The following HMGCLL1 variants were observed in gnomAD, a reference collection of about 807,000 sequenced individuals.
The protein encoded by HMGCLL1 is 3-hydroxy-3-methylglutaryl-CoA lyase like 1, also known as 3-hydroxymethyl-3-methylglutaryl-CoA lyase, cytoplasmic.
Under a neutral mutation model 39.1 loss-of-function variants are expected in HMGCLL1, and 36 were observed. The observed-to-expected ratio is 0.92, with a 90% CI of 0.71 to 1.22. The LOEUF (loss-of-function observed/expected upper bound fraction) is 1.22. HMGCLL1 is among the 50% of genes most tolerant of loss of function. The pLI is 0.00. For missense variants in HMGCLL1, 451 were observed against 416.5 expected, an observed-to-expected ratio of 1.08 and a Z score of -0.72; for synonymous variants, 149 against 144.0, an observed-to-expected ratio of 1.03 and a Z score of -0.25.
the HMGCLL1 span, among the ~76,000 whole-genome samples, chr6:55,646,234 G>A: frequency 1.3e-5 from 2 of 151,762 alleles, no homozygotes; most frequent in Non-Finnish European, 2.9e-5. Flanking sequence ...AGTATTAGGT[G>A]TAATGGCTCC....
At chr6:55,609,971 A>G in the HMGCLL1 span, among the ~76,000 whole-genome samples, 1 of 152,124 alleles carries the variant, frequency 6.6e-6, no homozygotes, top group Non-Finnish European at 1.5e-5. Context: ...AAACAAACAA[A>G]CAGAAAGCAA....
chr6:55,629,187 T>C, the HMGCLL1 span, among the ~76,000 whole-genome samples: 2 of 152,190 alleles, frequency 1.3e-5, no homozygotes, highest in Non-Finnish European at 2.9e-5. Flanking sequence ...GATAGCGATA[T>C]GGACAGTAAA....
intron 5 of HMGCLL1, among the ~76,000 whole-genome samples, chr6:55,510,307 C>G (rs1301356946): frequency 6.6e-6 from 1 of 151,708 alleles, no homozygotes; most frequent in South Asian, 2.1e-4. Context: ...ACCCAAAGGA[C>G]TATAAATCAT....
At chr6:55,600,033 T>G in the HMGCLL1 span, among the ~76,000 whole-genome samples, 55 of 152,338 alleles carry the variant, frequency 3.6e-4, no homozygotes, top group African/African-American at 1.3e-3. Flanking sequence ...CTTACTTCAG[T>G]GTTTCTTCTG....
intron 7 of HMGCLL1, among the ~76,000 whole-genome samples, chr6:55,467,224 C>T (rs62407067): frequency 0.06 from 9,196 of 152,148 alleles, 317 homozygotes; most frequent in East Asian, 0.17. Flanking sequence ...CACTTTAAGA[C>T]ACGTGTAAAA....
the HMGCLL1 span, among the ~76,000 whole-genome samples, chr6:55,649,877 G>C: frequency 3.3e-5 from 5 of 150,936 alleles, no homozygotes; most frequent in African/African-American, 1.2e-4. Flanking sequence ...CAGAGATACT[G>C]ATGAATTTTT....
chr6:55,553,172 T>C (rs200618850), intron 1 of HMGCLL1, among the ~76,000 whole-genome samples: 4,037 of 49,620 alleles, frequency 0.081, 97 homozygotes, highest in South Asian at 0.13. Context: ...TATATATATA[T>C]ATACATACAC....
intron 7 of HMGCLL1, among the ~76,000 whole-genome samples, chr6:55,470,102 C>A (rs1441895404): frequency 6.6e-6 from 1 of 151,870 alleles, no homozygotes; most frequent in Non-Finnish European, 1.5e-5. Flanking sequence ...TCGTTCCTTG[C>A]TGAAGACTCT....
the HMGCLL1 span, among the ~76,000 whole-genome samples, chr6:55,632,745 T>C: frequency 6.6e-6 from 1 of 152,196 alleles, no homozygotes; most frequent in East Asian, 1.9e-4. Context: ...TTGAGTAAAA[T>C]ATTTGCATTA....
At chr6:55,494,207 C>G (rs923201788) in intron 7 of HMGCLL1, among the ~76,000 whole-genome samples, 1 of 152,198 alleles carries the variant, frequency 6.6e-6, no homozygotes, top group South Asian at 2.1e-4. Context: ...TGTTCTATAG[C>G]CCTTTATCCT....
intron 1 of HMGCLL1, among the ~76,000 whole-genome samples, chr6:55,543,584 T>A (rs1464411913): frequency 7.8e-5 from 7 of 89,694 alleles, no homozygotes; most frequent in African/African-American, 1.1e-4. Context: ...ATTTATATAT[T>A]TATATATATA....
chr6:55,598,269 G>A, the HMGCLL1 span, among the ~76,000 whole-genome samples: 2 of 151,950 alleles, frequency 1.3e-5, no homozygotes, highest in Non-Finnish European at 2.9e-5. Context: ...TTACTTTGAC[G>A]AGATACCCTA....
At chr6:55,626,314 A>C in the HMGCLL1 span, among the ~76,000 whole-genome samples, 1 of 152,084 alleles carries the variant, frequency 6.6e-6, no homozygotes, top group Non-Finnish European at 1.5e-5. Flanking sequence ...GGTATTCCAC[A>C]CAGCATTGCC....
chr6:55,494,778 A>C (rs551977499), intron 7 of HMGCLL1, among the ~76,000 whole-genome samples: 3 of 152,336 alleles, frequency 2.0e-5, no homozygotes, highest in South Asian at 2.1e-4. Flanking sequence ...TAATTTTAAA[A>C]TAATACTCGT....
chr6:55,606,544 A>C, the HMGCLL1 span, among the ~76,000 whole-genome samples: 509 of 152,184 alleles, frequency 3.3e-3, 5 homozygotes, highest in Admixed American at 8.8e-3. Context: ...TCTTCTATAC[A>C]GTATAAACTA....
chr6:55,558,919 C>T (rs7755709), intron 1 of HMGCLL1, among the ~76,000 whole-genome samples: 65,385 of 152,006 alleles, frequency 0.43, 14,160 homozygotes, highest in East Asian at 0.55. Flanking sequence ...TCATAATCTG[C>T]CAGGACTATG....
intron 7 of HMGCLL1, among the ~76,000 whole-genome samples, chr6:55,456,735 C>T (rs1764339732): frequency 6.6e-6 from 1 of 152,172 alleles, no homozygotes; most frequent in Admixed American, 6.5e-5. Flanking sequence ...AGCATGGTTC[C>T]AGCTCTCTCA....
chr6:55,652,546 CTG>C, the HMGCLL1 span, among the ~76,000 whole-genome samples: 6 of 152,094 alleles, frequency 3.9e-5, no homozygotes, highest in African/African-American at 1.4e-4. Flanking sequence ...AAACAGGTAT[CTG>C]TGTCTGTGCT....
chr6:55,477,327 T>TATTATATAATATAA (rs1561904974), intron 7 of HMGCLL1, among the ~76,000 whole-genome samples: 1 of 15,080 alleles, frequency 6.6e-5, no homozygotes, highest in Non-Finnish European at 9.3e-5. Context: ...ATATATTATA[T>TATTATATAATATAA]TATATAATAT....
Sources: allele counts gnomAD v4.1 joint callset (sites outside exome capture counted in the v4.1 genomes callset), GRCh38; gene constraint gnomAD v4.1.1; transcripts MANE v1.5; gene names NCBI Gene and HGNC (gene_info 2026-07-23, HGNC 2026-07-21).